PCDHA1: variants seen among roughly 807,000 people sequenced by gnomAD.
PCDHA1 encodes protocadherin alpha-1.
A neutral mutation model predicts 61.3 loss-of-function variants in PCDHA1; 42 were observed. The observed-to-expected ratio is 0.69, with a 90% CI of 0.54 to 0.89. The LOEUF is 0.89. Ranked by LOEUF, PCDHA1 falls within the 40% of genes least tolerant of loss-of-function variation. The pLI, the probability that PCDHA1 is intolerant of heterozygous loss-of-function variation, is 0.00. For synonymous variants in PCDHA1, 610 were observed against 553.8 expected, an observed-to-expected ratio of 1.10 and a Z score of -1.43; for missense variants, 1,256 against 1,235.3, an observed-to-expected ratio of 1.02 and a Z score of -0.25.
At chr5:140,921,277 A>G (rs1554200163) in intron 1 of PCDHA1, among the ~76,000 whole-genome samples, 1 of 152,210 alleles carries the variant, frequency 6.6e-6, no homozygotes, top group Non-Finnish European at 1.5e-5. Flanking sequence ...ACTTACTTGA[A>G]AAAAACCTCA....
At chr5:140,795,821 C>A in intron 1 of PCDHA1, 3 of 1,613,094 alleles carry the variant, frequency 1.9e-6, no homozygotes, top group Non-Finnish European at 2.5e-6. Context: ...AGTGATGTGT[C>A]CTCCACTATA....
At position 140,829,299 on chromosome 5, in the gene PCDHA1, A is replaced by C. The variant is rs17844301; in HGVS notation, c.2394+40615A>C. 8.3e-4 allele frequency: 1,346 copies of C among 1,614,200 alleles called. 23 individuals carry two copies. In the East Asian group the frequency reaches 0.024, roughly 28 times the overall value. On this transcript the variant is annotated intron_variant, in intron 1 of 3. Transcript: ENST00000504120. Reference sequence around the variant, plus strand: ...TTCAAGCTGGTGTCCACCTTCAAGAATTACTACTCGTTGGTGCTGGACAGT... The same window carrying C: ...TTCAAGCTGGTGTCCACCTTCAAGACTTACTACTCGTTGGTGCTGGACAGT...
intron 1 of PCDHA1, among the ~76,000 whole-genome samples, chr5:140,961,599 G>T (rs1012408317): frequency 6.6e-6 from 1 of 152,062 alleles, no homozygotes; most frequent in African/African-American, 2.4e-5. Context: ...AATGATTCTA[G>T]TAAATGAAAC....
At chr5:140,926,320 C>T (rs555057115) in intron 1 of PCDHA1, 1 of 152,240 alleles carries the variant, frequency 6.6e-6, no homozygotes, top group Non-Finnish European at 1.5e-5. Context: ...AGAGGTGCGC[C>T]GGGGTCAGAG....
chr5:141,002,090 A>G (rs1554258504), intron 3 of PCDHA1, among the ~76,000 whole-genome samples: 1 of 152,254 alleles, frequency 6.6e-6, no homozygotes, highest in Non-Finnish European at 1.5e-5. Context: ...CGAGCAGTCC[A>G]GGGGCTGGGC....
intron 1 of PCDHA1, among the ~76,000 whole-genome samples, chr5:140,890,310 G>C (rs1554184247): frequency 6.6e-6 from 1 of 152,160 alleles, no homozygotes; most frequent in African/African-American, 2.4e-5. Context: ...GTAATATTAA[G>C]TTGTTTTAAG....
At chr5:140,902,558 T>G (rs2069554536) in intron 1 of PCDHA1, among the ~76,000 whole-genome samples, 2 of 152,242 alleles carry the variant, frequency 1.3e-5, no homozygotes, top group South Asian at 4.1e-4. Context: ...ACCCAGATTT[T>G]TGAGGGTTTT....
At chr5:140,923,423 G>A (rs533295733) in intron 1 of PCDHA1, among the ~76,000 whole-genome samples, 1 of 152,142 alleles carries the variant, frequency 6.6e-6, no homozygotes. Context: ...GGCTACTTGG[G>A]AGGCTGGGGT....
intron 3 of PCDHA1, among the ~76,000 whole-genome samples, chr5:141,004,051 A>G (rs2098149842): frequency 6.6e-6 from 1 of 152,240 alleles, no homozygotes; most frequent in East Asian, 1.9e-4. Flanking sequence ...ATTTGCTGAT[A>G]CTGGCCCCTG....
intron 1 of PCDHA1, among the ~76,000 whole-genome samples, chr5:140,947,593 T>C (rs2094149533): frequency 1.3e-5 from 2 of 151,712 alleles, no homozygotes; most frequent in African/African-American, 2.4e-5. Context: ...TAGATCAATT[T>C]AGGGAAGATT....
chr5:140,933,853 A>AT (rs2089460601), intron 1 of PCDHA1, among the ~76,000 whole-genome samples: 2 of 151,568 alleles, frequency 1.3e-5, no homozygotes, highest in Non-Finnish European at 3.0e-5. Context: ...TGTACCTTTA[A>AT]TTTTTTCAGA....
At chr5:140,868,042 C>G (rs1248168990) in intron 1 of PCDHA1, 1 of 151,924 alleles carries the variant, frequency 6.6e-6, no homozygotes, top group Non-Finnish European at 1.5e-5. Context: ...CTTGGAAATA[C>G]CAATATGGCA....
chr5:140,924,887 C>A (rs528979895), intron 1 of PCDHA1, among the ~76,000 whole-genome samples: 1 of 126,448 alleles, frequency 7.9e-6, no homozygotes, highest in African/African-American at 3.2e-5. Flanking sequence ...AGAGCAAGAA[C>A]CTGTCTCAAA....
chr5:140,970,019 A>G (rs1385793747), intron 1 of PCDHA1, among the ~76,000 whole-genome samples: 2 of 152,212 alleles, frequency 1.3e-5, no homozygotes, highest in Non-Finnish European at 2.9e-5. Context: ...ATGGTGAGGC[A>G]GAGAGATTAA....
At chr5:140,932,247 G>A (rs1463272112) in intron 1 of PCDHA1, among the ~76,000 whole-genome samples, 2 of 151,822 alleles carry the variant, frequency 1.3e-5, no homozygotes, top group Non-Finnish European at 3.0e-5. Context: ...ATCTAAGAGG[G>A]TACCTCTGAG....
At chr5:140,989,410 C>T (rs568177388) in intron 3 of PCDHA1, among the ~76,000 whole-genome samples, 1 of 152,230 alleles carries the variant, frequency 6.6e-6, no homozygotes, top group South Asian at 2.1e-4. Context: ...GGAGAGTCTG[C>T]ACTTCACTCT....
At chr5:140,828,377 T>C in intron 1 of PCDHA1, 1 of 1,614,222 alleles carries the variant, frequency 6.2e-7, no homozygotes, top group Non-Finnish European at 8.5e-7. Flanking sequence ...CGAGGAGCTG[T>C]GCGGGCGGAG....
intron 1 of PCDHA1, chr5:140,802,691 G>A: frequency 1.2e-6 from 2 of 1,612,968 alleles, no homozygotes; most frequent in Middle Eastern, 1.8e-4. Context: ...TGGAACGGCG[G>A]GTGGGGGAGC....
At chr5:140,856,634 C>A (rs2044123180) in intron 1 of PCDHA1, 2 of 1,597,826 alleles carry the variant, frequency 1.3e-6, no homozygotes, top group African/African-American at 1.3e-5. Flanking sequence ...GCTTGTTCTG[C>A]GGAAGCTGCT....
Sources: gnomAD v4.1 joint callset for allele counts (sites outside exome capture counted in the v4.1 genomes callset) on GRCh38, gnomAD v4.1.1 for gene constraint, MANE v1.5 for transcripts, NCBI Gene and HGNC (gene_info 2026-07-23, HGNC 2026-07-21) for gene names.